The following MYBL1 variants were observed in gnomAD, a reference collection of about 807,000 sequenced individuals.
MYBL1 encodes the protein myb-related protein A.
In MYBL1, 17 loss-of-function variants were observed where a neutral mutation model predicts 96.3. That is an observed-to-expected ratio of 0.18 (90% CI 0.12 to 0.26). The LOEUF is 0.26. MYBL1 is among the 10% of genes least tolerant of loss of function. The probability of loss-of-function intolerance (pLI) is 1.00; values close to 1 mark genes in which losing one functional copy is unlikely to be tolerated. For missense variants in MYBL1, 701 were observed against 882.9 expected, an observed-to-expected ratio of 0.79 and a Z score of 2.61; for synonymous variants, 282 against 292.7, an observed-to-expected ratio of 0.96 and a Z score of 0.37.
intron 8 of MYBL1, among the ~76,000 whole-genome samples, chr8:66,589,166 C>T (rs1414457719): frequency 4.6e-5 from 7 of 152,094 alleles, no homozygotes; most frequent in Non-Finnish European, 8.8e-5. Flanking sequence ...AAGAAAATAA[C>T]TTTCTTCCTT....
At chr8:66,595,510 A>T in intron 6 of MYBL1, 73 bp downstream of exon 6, 1 of 957,684 alleles carries the variant, frequency 1.0e-6, no homozygotes, top group Non-Finnish European at 1.4e-6. Context: ...TTGTCCTATT[A>T]AGAAACCAAA....
At chr8:66,610,015 T>C (rs1368284900) in intron 1 of MYBL1, among the ~76,000 whole-genome samples, 1 of 152,022 alleles carries the variant, frequency 6.6e-6, no homozygotes, top group African/African-American at 2.4e-5. Context: ...TTTCAAGAGC[T>C]GGCTTTTATC....
At chr8:66,595,778 T>C in intron 5 of MYBL1, 21 bp from the exon 6 acceptor site, 1 of 1,442,944 alleles carries the variant, frequency 6.9e-7, no homozygotes, top group Admixed American at 2.7e-5. Context: ...AAAGGTATGA[T>C]TTAAAAAGAA....
intron 8 of MYBL1, 37 bp downstream of exon 8, chr8:66,592,403 A>AT (rs753420428): frequency 1.5e-6 from 2 of 1,347,612 alleles, no homozygotes; most frequent in East Asian, 4.7e-5. Flanking sequence ...CATATATGAA[A>AT]GATTCTAACA....
chr8:66,593,059 T>C (rs1809711326), intron 7 of MYBL1, 61 bp downstream of exon 7: 7 of 1,062,226 alleles, frequency 6.6e-6, no homozygotes, highest in South Asian at 1.4e-5. Context: ...TAGATACTAT[T>C]AGGCTTTTAA....
chr8:66,565,696 C>T (rs1235964380), intron 15 of MYBL1, among the ~76,000 whole-genome samples: 1 of 152,046 alleles, frequency 6.6e-6, no homozygotes, highest in Admixed American at 6.6e-5. Context: ...ATGGTACCAA[C>T]AAAATCATGC....
At chr8:66,571,721 A>G (rs1211633186) in intron 12 of MYBL1, among the ~76,000 whole-genome samples, 1 of 151,894 alleles carries the variant, frequency 6.6e-6, no homozygotes, top group African/African-American at 2.4e-5. Flanking sequence ...TTTCTACTAA[A>G]AATACAAAAA....
At chr8:66,604,354 C>T (rs1201509135) in intron 1 of MYBL1, among the ~76,000 whole-genome samples, 1 of 152,024 alleles carries the variant, frequency 6.6e-6, no homozygotes, top group Non-Finnish European at 1.5e-5. Context: ...AAAACCCTGT[C>T]TCTACTAAAA....
intron 12 of MYBL1, among the ~76,000 whole-genome samples, chr8:66,570,260 G>A (rs1014198997): frequency 1.8e-4 from 28 of 151,894 alleles, no homozygotes; most frequent in African/African-American, 6.8e-4. Context: ...TAAACAAATG[G>A]ACAAGGACTT....
At chr8:66,577,232 A>C (rs1224657174) in intron 9 of MYBL1, among the ~76,000 whole-genome samples, 1 of 149,712 alleles carries the variant, frequency 6.7e-6, no homozygotes, top group Non-Finnish European at 1.5e-5. Context: ...GGCCAGGGCA[A>C]TCAGGCAGGA....
At chr8:66,570,653 A>T (rs1808692861) in intron 12 of MYBL1, among the ~76,000 whole-genome samples, 2 of 152,214 alleles carry the variant, frequency 1.3e-5, no homozygotes, top group Admixed American at 1.3e-4. Context: ...CCTGGAACCT[A>T]TTAGGCACTC....
rs531895194 is a variant in MYBL1 at position 66,564,143 on chromosome 8, T to A, written c.*554A>T. 6.6e-6 allele frequency: 1 copy of A among 152,424 alleles called. No homozygotes were observed. Among genetic ancestry groups the A allele is most frequent in the South Asian group, 2.1e-4 (1 of 4,826 alleles). 9.4% of individuals were successfully genotyped at this position (152,424 alleles called of 1,614,324 possible). ...CAGTACTATGCTCAAATAAATACAT[T>A]TAACACTGTAGTTAATTTTACTGCT... On this transcript the variant is annotated 3_prime_UTR_variant, in exon 16 of 16. Transcript: ENST00000522677.
rs1183906028 is a variant in MYBL1 at position 66,563,938 on chromosome 8, T to C, written c.*759A>G. ...TAGGCACCCTGTATACGTATAAATA[T>C]CTACATTTAAGCTTTAAAAATAAAA... On this transcript the variant is annotated 3_prime_UTR_variant, in exon 16 of 16. Transcript: ENST00000522677. 6.6e-6 allele frequency: 1 copy of C among 152,426 alleles called. No individual in the cohort carries two copies. The highest frequency in any genetic ancestry group is 6.6e-5 in the Admixed American group (1 of 15,264). The allele number at this position is 152,426 out of a possible 1,614,324, so 9.4% of individuals were successfully genotyped here. A position where few individuals can be genotyped will look rare whatever the true frequency, so the allele number is the denominator to read the frequency against.
At chr8:66,592,579 C>T (rs376937079) in intron 7 of MYBL1, 35 bp from the exon 8 acceptor site, 3 of 1,225,582 alleles carry the variant, frequency 2.4e-6, no homozygotes, top group African/African-American at 3.0e-5. Flanking sequence ...AAACAGGATG[C>T]TTATATAATT....
chr8:66,612,099 TG>T (rs1352690444), intron 1 of MYBL1: 4 of 152,350 alleles, frequency 2.6e-5, no homozygotes, highest in South Asian at 2.1e-4. Context: ...CTTACCTCTG[TG>T]GAACACTTAG....
At chr8:66,591,032 A>AG (rs1809618532) in intron 8 of MYBL1, among the ~76,000 whole-genome samples, 1 of 152,150 alleles carries the variant, frequency 6.6e-6, no homozygotes, top group Non-Finnish European at 1.5e-5. Flanking sequence ...CCCCACGAAT[A>AG]TGTACAATTA....
At chr8:66,571,390 T>C (rs750338191) in intron 12 of MYBL1, among the ~76,000 whole-genome samples, 1 of 152,070 alleles carries the variant, frequency 6.6e-6, no homozygotes, top group Non-Finnish European at 1.5e-5. Flanking sequence ...ACAATAACAA[T>C]TTGGGGTGTG....
At chr8:66,592,722 C>T (rs1417291938) in intron 7 of MYBL1, among the ~76,000 whole-genome samples, 178 bp from the exon 8 acceptor site, 1 of 152,036 alleles carries the variant, frequency 6.6e-6, no homozygotes, top group African/African-American at 2.4e-5. Context: ...GAGGTGCTGG[C>T]AAATATTTTC....
intron 9 of MYBL1, among the ~76,000 whole-genome samples, chr8:66,577,122 T>C (rs1435711619): frequency 2.0e-5 from 3 of 151,796 alleles, no homozygotes; most frequent in Non-Finnish European, 4.4e-5. Context: ...GCCAATATCA[T>C]ACTGAATGGG....
Sources: gnomAD v4.1 joint callset for allele counts (sites outside exome capture counted in the v4.1 genomes callset) on GRCh38, gnomAD v4.1.1 for gene constraint, MANE v1.5 for transcripts, NCBI Gene and HGNC (gene_info 2026-07-23, HGNC 2026-07-21) for gene names.